The following PHAF1 variants were observed in gnomAD, a reference collection of about 807,000 sequenced individuals.
PHAF1 encodes the protein phagophore assembly factor 1.
Under a neutral mutation model 63.1 loss-of-function variants are expected in PHAF1, and 23 were observed. That is an observed-to-expected ratio of 0.36 (90% CI 0.26 to 0.52). The LOEUF (loss-of-function observed/expected upper bound fraction) is 0.52. Ranked by LOEUF, PHAF1 falls within the 20% of genes least tolerant of loss-of-function variation. The probability of loss-of-function intolerance (pLI) is 0.93; values close to 1 mark genes in which losing one functional copy is unlikely to be tolerated. For synonymous variants in PHAF1, 167 were observed against 185.0 expected (o/e 0.90, Z 0.79); for missense variants, 427 against 517.2 (o/e 0.83, Z 1.69).
intron 8 of PHAF1, among the ~76,000 whole-genome samples, chr16:67,137,746 G>A (rs1963663128): frequency 6.6e-6 from 1 of 152,186 alleles, no homozygotes; most frequent in Non-Finnish European, 1.5e-5. Flanking sequence ...AATCATCCCA[G>A]GAGACAGCAG....
At chr16:67,145,905 A>G (rs544374161) in intron 14 of PHAF1, among the ~76,000 whole-genome samples, 8 of 152,204 alleles carry the variant, frequency 5.3e-5, no homozygotes, top group Non-Finnish European at 1.2e-4. Context: ...ATAAGGAAGG[A>G]GGGCTTGGCT....
chr16:67,145,322 G>GCCACAGGTAGGCTGGGC, intron 12 of PHAF1, 54 bp from the exon 13 acceptor site: 2 of 1,604,816 alleles, frequency 1.2e-6, no homozygotes, highest in Non-Finnish European at 1.7e-6. Context: ...TAGGGCTGGG[G>GCCACAGGTAGGCTGGGC]CCACAGGTAG....
At chr16:67,118,115 C>G (rs1016684078) in intron 1 of PHAF1, among the ~76,000 whole-genome samples, 2 of 148,320 alleles carry the variant, frequency 1.3e-5, no homozygotes, top group African/African-American at 2.5e-5. Context: ...CGCCACCACG[C>G]CCGGCTAATT....
At chr16:67,124,827 C>T (rs190881545) in intron 2 of PHAF1, among the ~76,000 whole-genome samples, 188 of 151,484 alleles carry the variant, frequency 1.2e-3, no homozygotes, top group Non-Finnish European at 1.8e-3. Flanking sequence ...GGTGTGAACC[C>T]AGGAGGTGGA....
intron 1 of PHAF1, among the ~76,000 whole-genome samples, chr16:67,118,446 C>T (rs1472857888): frequency 2.0e-5 from 3 of 147,868 alleles, no homozygotes; most frequent in Admixed American, 6.9e-5. Flanking sequence ...AAGCAGTTCT[C>T]CTGCCTCAGC....
intron 11 of PHAF1, 80 bp from the exon 12 acceptor site, chr16:67,144,754 T>C: frequency 6.7e-7 from 1 of 1,487,664 alleles, no homozygotes; most frequent in Non-Finnish European, 9.4e-7. Flanking sequence ...GTTCTGTTTC[T>C]CCTGGGGTGT....
intron 1 of PHAF1, among the ~76,000 whole-genome samples, chr16:67,115,590 G>T (rs576836070): frequency 6.6e-6 from 1 of 152,358 alleles, no homozygotes; most frequent in East Asian, 1.9e-4. Flanking sequence ...AAGCAGGCAA[G>T]TGCTGAGATC....
intron 6 of PHAF1, 37 bp downstream of exon 6, chr16:67,132,948 G>T: frequency 2.0e-6 from 3 of 1,505,496 alleles, no homozygotes; most frequent in Non-Finnish European, 2.8e-6. Flanking sequence ...TGTTGTATGT[G>T]TCTGTGGTAT....
At chr16:67,125,916 A>G (rs772402647) in intron 2 of PHAF1, 43 bp from the exon 3 acceptor site, 1 of 1,416,724 alleles carries the variant, frequency 7.1e-7, no homozygotes, top group Non-Finnish European at 9.9e-7. Flanking sequence ...GTGCTTAGTG[A>G]ATAAATCAGT....
At position 67,134,161 on chromosome 16, in the gene PHAF1, T is replaced by C. The variant is rs2145868678; in HGVS notation, c.451-7T>C. The C allele has an allele frequency of 1.2e-6, 2 of 1,612,408 alleles. No individual in the cohort carries two copies. The highest frequency in any genetic ancestry group is 1.7e-4 in the Middle Eastern group (1 of 5,922). The stretch of plus-strand genomic sequence containing the variant: ...CCCTAAGTAAAACTCTTGACCTTTG[T>C]TTGCAGCCCAATTTTGCCCATGGCC... On this transcript the variant is annotated splice_region_variant and splice_polypyrimidine_tract_variant and intron_variant, in intron 6 of 15. Coordinates refer to ENST00000219139, the MANE Select transcript of PHAF1 (RefSeq NM_025187.5).
At chr16:67,125,749 T>A (rs1963163893) in intron 2 of PHAF1, among the ~76,000 whole-genome samples, 1 of 152,216 alleles carries the variant, frequency 6.6e-6, no homozygotes, top group Admixed American at 6.5e-5. Context: ...TCAGCCGATA[T>A]TAAGAAACAG....
At position 67,147,425 on chromosome 16, in the gene PHAF1, G is replaced by T; in HGVS notation, c.*294G>T. 2 of 432,778 alleles carry T rather than the reference G, an allele frequency of 4.6e-6. No homozygotes were observed. The highest frequency in any genetic ancestry group is 8.3e-6 in the Non-Finnish European group (2 of 239,712). The allele number at this position is 432,778 out of a possible 1,614,324, so 26.8% of individuals were successfully genotyped here. On this transcript the variant is annotated 3_prime_UTR_variant, in exon 16 of 16. Transcript: ENST00000219139. ...GAGCTCTCAACTAACAAGGAGGCAG[G>T]AGAGGTCAACCCTTGTCCCATGCAC...
At chr16:67,110,359 T>C in intron 1 of PHAF1, 120 bp downstream of exon 1, 2 of 1,141,804 alleles carry the variant, frequency 1.8e-6, no homozygotes, top group Non-Finnish European at 2.5e-6. Flanking sequence ...TCTTTCGTCC[T>C]CTCGGCTCGC....
chr16:67,136,149 C>G (rs1159984349), intron 8 of PHAF1: 1 of 152,174 alleles, frequency 6.6e-6, no homozygotes, highest in African/African-American at 2.4e-5. Flanking sequence ...GCTAAAAATA[C>G]AAAAATTAGC....
chr16:67,121,640 G>A (rs2145835599), intron 2 of PHAF1, among the ~76,000 whole-genome samples: 1 of 150,238 alleles, frequency 6.7e-6, no homozygotes, highest in Middle Eastern at 3.5e-3. Flanking sequence ...GAGTGCAATG[G>A]TGCAATCTCG....
chr16:67,138,225 C>T (rs1963679344), intron 8 of PHAF1, among the ~76,000 whole-genome samples: 1 of 152,074 alleles, frequency 6.6e-6, no homozygotes. Flanking sequence ...TACTTTGGGC[C>T]CAGAGTCCAG....
intron 3 of PHAF1, among the ~76,000 whole-genome samples, chr16:67,128,504 T>C (rs1963272835): frequency 6.6e-6 from 1 of 152,182 alleles, no homozygotes. Context: ...TGCTGCCTCC[T>C]ATAGTTGCTT....
At chr16:67,129,389 C>T (rs1412451598) in intron 3 of PHAF1, among the ~76,000 whole-genome samples, 2 of 152,212 alleles carry the variant, frequency 1.3e-5, no homozygotes, top group Non-Finnish European at 2.9e-5. Context: ...GACGGCCTAG[C>T]AGAGGGAGCA....
At chr16:67,119,677 G>A (rs117620814) in intron 1 of PHAF1, among the ~76,000 whole-genome samples, 1 of 149,334 alleles carries the variant, frequency 6.7e-6, no homozygotes, top group African/African-American at 2.5e-5. Flanking sequence ...CAGCCACCTC[G>A]CCTGGCTAAT....
Sources: gnomAD v4.1 joint callset for allele counts (sites outside exome capture counted in the v4.1 genomes callset) on GRCh38, gnomAD v4.1.1 for gene constraint, MANE v1.5 for transcripts, NCBI Gene and HGNC (gene_info 2026-07-23, HGNC 2026-07-21) for gene names.